The following ANKS1B variants were observed in gnomAD, a reference collection of about 807,000 sequenced individuals.
ANKS1B encodes the protein ankyrin repeat and sterile alpha motif domain containing 1B.
In ANKS1B, 36 loss-of-function variants were observed where a neutral mutation model predicts 148.3. The ratio of observed to expected loss-of-function variants is 0.24; its 90% CI spans 0.19 to 0.32. The LOEUF is 0.32. ANKS1B is among the 10% of genes least tolerant of loss of function. ANKS1B has a pLI of 1.00. For missense variants in ANKS1B, 1,157 were observed against 1,542.6 expected, an observed-to-expected ratio of 0.75 and a Z score of 4.19; for synonymous variants, 542 against 560.8, an observed-to-expected ratio of 0.97 and a Z score of 0.47.
intron 17 of ANKS1B, among the ~76,000 whole-genome samples, chr12:98,927,174 C>G (rs972624550): frequency 1.3e-5 from 2 of 152,084 alleles, no homozygotes; most frequent in African/African-American, 4.8e-5. Flanking sequence ...TAACAGCCAG[C>G]TTCTCAACAA....
chr12:99,851,648 T>C (rs1186160626), intron 1 of ANKS1B, among the ~76,000 whole-genome samples: 2 of 152,150 alleles, frequency 1.3e-5, no homozygotes, highest in Non-Finnish European at 2.9e-5. Flanking sequence ...AAGCAAGTAA[T>C]ATTGGTAATA....
intron 9 of ANKS1B, among the ~76,000 whole-genome samples, chr12:99,561,962 A>G (rs2097340882): frequency 6.6e-6 from 1 of 152,234 alleles, no homozygotes; most frequent in Admixed American, 6.5e-5. Flanking sequence ...ATAGTCTTAC[A>G]TTATATATTT....
At chr12:99,935,823 C>T (rs1420647439) in intron 1 of ANKS1B, among the ~76,000 whole-genome samples, 3 of 152,112 alleles carry the variant, frequency 2.0e-5, no homozygotes, top group East Asian at 1.9e-4. Context: ...AGTGACTCTA[C>T]AGGATGTGTA....
At chr12:98,891,320 A>G (rs866834874) in intron 17 of ANKS1B, among the ~76,000 whole-genome samples, 9 of 152,298 alleles carry the variant, frequency 5.9e-5, no homozygotes, top group Middle Eastern at 6.8e-3. Flanking sequence ...TTTTTAGAGA[A>G]TTAATTTTTG....
intron 15 of ANKS1B, among the ~76,000 whole-genome samples, chr12:99,105,902 A>C (rs1185343841): frequency 6.6e-6 from 1 of 152,172 alleles, no homozygotes; most frequent in Non-Finnish European, 1.5e-5. Flanking sequence ...TTTGTAGTTA[A>C]GGAGTGAGAG....
chr12:99,741,714 G>A (rs2153581713), intron 8 of ANKS1B, among the ~76,000 whole-genome samples: 1 of 152,024 alleles, frequency 6.6e-6, no homozygotes, highest in East Asian at 1.9e-4. Flanking sequence ...ATGGACACAG[G>A]GAGGGGAACA....
rs146428365 is a variant in ANKS1B, at chr12:99,545,901, A to G, written c.1273-41260T>C. On this transcript the variant is annotated intron_variant, in intron 9 of 26. Transcript: ENST00000683438. ...TTTGCCTTCCTTTCTATTTTCTTGC[A>G]TGTTTTAATCTCATAGTGTCACATG... Among the ~76,000 whole-genome samples the G allele has an allele frequency of 2.8e-4, 42 of 151,872 alleles. No homozygotes were observed. The East Asian group carries it at 7.4e-3, about 27-fold the overall frequency.
intron 1 of ANKS1B, among the ~76,000 whole-genome samples, chr12:99,904,622 G>A (rs1418444987): frequency 1.3e-5 from 2 of 152,186 alleles, no homozygotes; most frequent in African/African-American, 4.8e-5. Context: ...ATGCACTACA[G>A]TTAAGACTCA....
In ANKS1B at chr12:98,745,685, G is replaced by T. The variant is rs1027416183; in HGVS notation, c.*54C>A. The T allele has an allele frequency of 3.1e-6, 5 of 1,601,050 alleles. No homozygotes were observed. The African/African-American group carries it at 6.7e-5, about 22-fold the overall frequency. On this transcript the variant is annotated 3_prime_UTR_variant, in exon 27 of 27. Coordinates refer to ENST00000683438, the MANE Select transcript of ANKS1B (RefSeq NM_001352186.2). ...GACGCGGAGGCGCGAAGGAAAGCCT[G>T]CTCCGGGACCGCTTGGCGAGCAAGG... is the stretch of plus-strand genomic sequence containing the variant.
intron 14 of ANKS1B, among the ~76,000 whole-genome samples, chr12:99,167,781 C>T (rs1326583277): frequency 2.6e-5 from 4 of 152,002 alleles, no homozygotes; most frequent in Non-Finnish European, 2.9e-5. Context: ...TAATAGCCAA[C>T]AACTAGAAAC....
chr12:99,208,313 C>T (rs1421686626), intron 14 of ANKS1B, among the ~76,000 whole-genome samples: 2 of 152,100 alleles, frequency 1.3e-5, no homozygotes, highest in Non-Finnish European at 2.9e-5. Context: ...ATGACTATAA[C>T]TTCACAGTGA....
At chr12:99,457,260 AT>A (rs944257377) in intron 10 of ANKS1B, among the ~76,000 whole-genome samples, 8 of 151,702 alleles carry the variant, frequency 5.3e-5, no homozygotes, top group East Asian at 1.9e-4. Flanking sequence ...GGAGCTCTAA[AT>A]TTTTTTTTAA....
chr12:99,246,768 G>A lies in ANKS1B; in HGVS notation c.1853C>T (p.Ser618Phe). Residue 618 changes from serine (S) to phenylalanine (F), a missense_variant, in exon 13 of 27, where the codon TCC becomes TTC. By Grantham distance (155) the Ser-to-Phe change is radical. Coordinates refer to ENST00000683438, the MANE Select transcript of ANKS1B (RefSeq NM_001352186.2). ...ATAGAGATGAAATGGATTTTCAGGG[G>A]ACTCACAGGCTGGAGAGGATCCATG... Reference protein sequence around the residue: ...LLHGSSPACESPENPFHLYGK... With the variant: ...LLHGSSPACEFPENPFHLYGK... 1 of 1,613,842 alleles carries A rather than the reference G, an allele frequency of 6.2e-7. No homozygotes were observed. The highest frequency in any genetic ancestry group is 8.5e-7 in the Non-Finnish European group (1 of 1,179,864).
At chr12:99,284,306 A>G (rs1222691236) in intron 12 of ANKS1B, among the ~76,000 whole-genome samples, 2 of 152,174 alleles carry the variant, frequency 1.3e-5, no homozygotes, top group Non-Finnish European at 2.9e-5. Context: ...GTGCAGAGAG[A>G]AGGAAGAGTT....
chr12:99,727,107 C>T (rs1026073988), intron 8 of ANKS1B, among the ~76,000 whole-genome samples: 2 of 152,110 alleles, frequency 1.3e-5, no homozygotes, highest in African/African-American at 4.8e-5. Flanking sequence ...ACTCACCACT[C>T]CCTTTCAACA....
chr12:98,841,627 T>C, intron 17 of ANKS1B, among the ~76,000 whole-genome samples: 1 of 152,192 alleles, frequency 6.6e-6, no homozygotes, highest in Middle Eastern at 3.2e-3. Flanking sequence ...CAGCTACTAC[T>C]GCACTTTAGA....
intron 14 of ANKS1B, among the ~76,000 whole-genome samples, chr12:99,233,012 T>C (rs555241704): frequency 1.3e-5 from 2 of 152,190 alleles, no homozygotes; most frequent in East Asian, 3.9e-4. Flanking sequence ...TTTGACTGTA[T>C]TTTGACAAGC....
chr12:99,508,359 G>A (rs1263332718), intron 9 of ANKS1B, among the ~76,000 whole-genome samples: 3 of 151,684 alleles, frequency 2.0e-5, no homozygotes, highest in South Asian at 2.1e-4. Context: ...GACAGCAGAC[G>A]AGAAAAATAA....
At chr12:99,666,714 C>T (rs2098508890) in intron 8 of ANKS1B, among the ~76,000 whole-genome samples, 1 of 152,044 alleles carries the variant, frequency 6.6e-6, no homozygotes, top group African/African-American at 2.4e-5. Flanking sequence ...ATTTTCTTTT[C>T]CCTCTAGCAC....
Sources: allele counts gnomAD v4.1 joint callset (sites outside exome capture counted in the v4.1 genomes callset), GRCh38; gene constraint gnomAD v4.1.1; transcripts MANE v1.5; gene names NCBI Gene and HGNC (gene_info 2026-07-23, HGNC 2026-07-21).